Variants in DCAF6 observed in about 807,000 individuals in gnomAD.
The protein encoded by DCAF6 is DDB1- and CUL4-associated factor 6.
DCAF6 carries 54 observed loss-of-function variants against 125.1 expected under a neutral mutation model. The observed-to-expected ratio is 0.43, with a 90% confidence interval of 0.35 to 0.54. The LOEUF (loss-of-function observed/expected upper bound fraction) is 0.54. DCAF6 is among the 20% of genes least tolerant of loss of function. DCAF6 has a pLI of 0.01. For missense variants in DCAF6, 934 were observed against 1,161.7 expected, an observed-to-expected ratio of 0.80 and a Z score of 2.85; for synonymous variants, 371 against 390.4, an observed-to-expected ratio of 0.95 and a Z score of 0.58.
At chr1:167,944,777 T>C (rs1030234816) in intron 1 of DCAF6, among the ~76,000 whole-genome samples, 1 of 152,232 alleles carries the variant, frequency 6.6e-6, no homozygotes. Flanking sequence ...CAATCTGTTA[T>C]TTCTTTTGCC....
the DCAF6 span, among the ~76,000 whole-genome samples, chr1:167,879,628 T>C: frequency 3.3e-5 from 5 of 152,188 alleles, no homozygotes; most frequent in African/African-American, 1.2e-4. Context: ...GTATTTTACA[T>C]ATATTCAGTA....
At chr1:167,875,069 A>C in the DCAF6 span, 1 of 1,274,214 alleles carries the variant, frequency 7.8e-7, no homozygotes. Flanking sequence ...TCATTGATGT[A>C]CTTTTCTGCA....
At chr1:167,865,891 G>A in the DCAF6 span, among the ~76,000 whole-genome samples, 1 of 152,176 alleles carries the variant, frequency 6.6e-6, no homozygotes, top group Non-Finnish European at 1.5e-5. Context: ...CTCTTTTCCA[G>A]GATTCTACAG....
chr1:167,961,592 A>G (rs949034726), intron 2 of DCAF6, among the ~76,000 whole-genome samples: 13 of 152,172 alleles, frequency 8.5e-5, no homozygotes, highest in African/African-American at 2.2e-4. Flanking sequence ...CTTGTTATCT[A>G]CAAAGACCGT....
chr1:167,987,420 A>G, intron 4 of DCAF6, 75 bp from the exon 5 acceptor site: 1 of 746,358 alleles, frequency 1.3e-6, no homozygotes, highest in Non-Finnish European at 2.3e-6. Flanking sequence ...CATTTTATGA[A>G]ATAGTAGGAA....
chr1:168,066,704 A>G (rs993734414), intron 20 of DCAF6, among the ~76,000 whole-genome samples: 2 of 152,192 alleles, frequency 1.3e-5, no homozygotes, highest in Admixed American at 6.5e-5. Flanking sequence ...GATTAGGTGT[A>G]TAGTAGTTTA....
chr1:167,941,804 A>C (rs1672282091), intron 1 of DCAF6, among the ~76,000 whole-genome samples: 1 of 152,228 alleles, frequency 6.6e-6, no homozygotes, highest in Non-Finnish European at 1.5e-5. Context: ...CTTCATGTAC[A>C]TCTTGGACAA....
intron 5 of DCAF6, among the ~76,000 whole-genome samples, chr1:167,989,602 G>A (rs1013671137): frequency 1.1e-4 from 16 of 152,286 alleles, no homozygotes; most frequent in African/African-American, 3.1e-4. Flanking sequence ...TTACTGAGGG[G>A]CCGGGCGCGG....
chr1:168,001,961 CA>C (rs1433524275), intron 7 of DCAF6, among the ~76,000 whole-genome samples: 1 of 152,002 alleles, frequency 6.6e-6, no homozygotes. Context: ...ATGAGGGCAG[CA>C]GGATGGAATA....
chr1:167,938,632 GAGAA>G (rs1290477514), intron 1 of DCAF6, among the ~76,000 whole-genome samples: 9 of 152,166 alleles, frequency 5.9e-5, no homozygotes, highest in African/African-American at 2.2e-4. Context: ...TTTATTTGCG[GAGAA>G]AGAACTTAAT....
chr1:168,005,010 C>T (rs192104421), intron 10 of DCAF6, among the ~76,000 whole-genome samples: 38 of 152,188 alleles, frequency 2.5e-4, no homozygotes, highest in Admixed American at 1.3e-3. Context: ...TTATATAAAA[C>T]AATTGTTTTA....
At chr1:168,013,968 G>A (rs1250299967) in intron 10 of DCAF6, among the ~76,000 whole-genome samples, 1 of 152,004 alleles carries the variant, frequency 6.6e-6, no homozygotes, top group Non-Finnish European at 1.5e-5. Flanking sequence ...AAACTCCTGA[G>A]CTCAAAGTGA....
intron 7 of DCAF6, among the ~76,000 whole-genome samples, chr1:167,996,185 T>A (rs115260205): frequency 0.011 from 1,700 of 152,264 alleles, 35 homozygotes; most frequent in African/African-American, 0.038. Context: ...TTCTTTCATT[T>A]TTTTCCCCCT....
chr1:167,930,762 C>T, the DCAF6 span, among the ~76,000 whole-genome samples: 1 of 152,188 alleles, frequency 6.6e-6, no homozygotes, highest in Non-Finnish European at 1.5e-5. Flanking sequence ...GCACTTTAAA[C>T]ATATTTCATT....
intron 2 of DCAF6, among the ~76,000 whole-genome samples, chr1:167,962,516 C>T (rs542678077): frequency 2.6e-5 from 4 of 152,258 alleles, no homozygotes; most frequent in Admixed American, 2.6e-4. Context: ...TGTAACTACT[C>T]CTGTTTTCTT....
In DCAF6 at chr1:167,955,514, G is replaced by A. The variant is rs145256445; in HGVS notation, c.159+3653G>A. On this transcript the variant is annotated intron_variant, in intron 2 of 21. Transcript: ENST00000367840. The stretch of plus-strand genomic sequence containing the variant: ...ATGTTGTGGTTACATTTCCTGCCCC[G>A]TTAATTTTTAGATATTCATCTGTAT... 3.9e-3 allele frequency among the ~76,000 whole-genome samples: 584 copies of A among 150,400 alleles called. 3 individuals are homozygous for A. The highest frequency in any genetic ancestry group is 0.013 in the African/African-American group (546 of 40,850).
upstream of DCAF6, among the ~76,000 whole-genome samples, chr1:167,933,200 G>A (rs1314378781): frequency 7.0e-6 from 1 of 143,158 alleles, no homozygotes; most frequent in African/African-American, 2.6e-5. Flanking sequence ...ACAGAACCTC[G>A]CTCTGTTGCC....
rs200923785 is a variant in DCAF6, at chr1:167,972,348, A to ATT, written c.253-2481_253-2480dup. On this transcript the variant is annotated intron_variant, in intron 3 of 21. Coordinates refer to ENST00000367840, the MANE Select transcript of DCAF6 (RefSeq NM_001198956.2). ...AACACGAATAATAATTCTTTGAACA[A>ATT]TTATTCATTAATAAATTAGAGAGTG... Among the ~76,000 whole-genome samples, 10 of 152,358 alleles carry ATT rather than the reference A, an allele frequency of 6.6e-5. No homozygotes were observed. The East Asian group carries it at 1.9e-3, about 29-fold the overall frequency.
intron 4 of DCAF6, among the ~76,000 whole-genome samples, chr1:167,979,434 C>G (rs962810639): frequency 6.6e-6 from 1 of 152,034 alleles, no homozygotes; most frequent in African/African-American, 2.4e-5. Context: ...AAGAATTTGA[C>G]TATTTTAGAT....
Sources: gnomAD v4.1 joint callset for allele counts (sites outside exome capture counted in the v4.1 genomes callset) on GRCh38, gnomAD v4.1.1 for gene constraint, MANE v1.5 for transcripts, NCBI Gene and HGNC (gene_info 2026-07-23, HGNC 2026-07-21) for gene names.